DLG2: variants seen among roughly 807,000 people sequenced by gnomAD.
The protein encoded by DLG2 is disks large homolog 2.
In DLG2, 45 loss-of-function variants were observed where a neutral mutation model predicts 132.5. The observed-to-expected ratio is 0.34, with a 90% CI of 0.27 to 0.44. DLG2 has a LOEUF of 0.44. Ranked by LOEUF, DLG2 falls within the 20% of genes least tolerant of loss-of-function variation. DLG2 has a pLI of 1.00. For missense variants in DLG2, 1,045 were observed against 1,196.9 expected (o/e 0.87, Z 1.87); for synonymous variants, 424 against 419.6 (o/e 1.01, Z -0.13).
chr11:84,119,509 C>T (rs772285474), intron 9 of DLG2, among the ~76,000 whole-genome samples: 11 of 151,616 alleles, frequency 7.3e-5, no homozygotes, highest in East Asian at 1.9e-4. Context: ...CACACACATA[C>T]GAATCACATT....
chr11:83,795,605 TA>T (rs2042640622), intron 17 of DLG2, among the ~76,000 whole-genome samples: 2 of 152,128 alleles, frequency 1.3e-5, no homozygotes, highest in African/African-American at 4.8e-5. Flanking sequence ...TTTCACATCT[TA>T]ATGTGAAGAT....
At chr11:85,372,820 C>T (rs572417947) in intron 3 of DLG2, among the ~76,000 whole-genome samples, 35 of 152,218 alleles carry the variant, frequency 2.3e-4, no homozygotes, top group Non-Finnish European at 3.8e-4. Context: ...AAAGTGGACG[C>T]TCTTCCCTCT....
chr11:85,392,301 T>C (rs2086868159), intron 3 of DLG2, among the ~76,000 whole-genome samples: 1 of 151,734 alleles, frequency 6.6e-6, no homozygotes, highest in South Asian at 2.1e-4. Flanking sequence ...CACAAACAAA[T>C]GGAAACATAT....
chr11:83,638,425 C>T (rs1408653997), intron 18 of DLG2, among the ~76,000 whole-genome samples: 1 of 152,122 alleles, frequency 6.6e-6, no homozygotes, highest in Non-Finnish European at 1.5e-5. Context: ...AGAATTGGAC[C>T]TACCTCAAGA....
chr11:84,413,628 T>C (rs1307732448), intron 7 of DLG2, among the ~76,000 whole-genome samples: 1 of 152,216 alleles, frequency 6.6e-6, no homozygotes, highest in Non-Finnish European at 1.5e-5. Context: ...GCTTTTTGTT[T>C]TGAGGGCCTT....
intron 6 of DLG2, among the ~76,000 whole-genome samples, chr11:85,075,979 C>T (rs1435208108): frequency 6.6e-6 from 1 of 151,900 alleles, no homozygotes; most frequent in Non-Finnish European, 1.5e-5. Context: ...CACGCCTTGC[C>T]ATTTTACTTA....
chr11:85,093,658 G>A (rs746706829), intron 6 of DLG2, among the ~76,000 whole-genome samples: 21 of 152,172 alleles, frequency 1.4e-4, no homozygotes, highest in South Asian at 4.1e-4. Flanking sequence ...GGGAACTCTC[G>A]ATTATAAAAC....
intron 6 of DLG2, among the ~76,000 whole-genome samples, chr11:84,865,591 A>C (rs1459697038): frequency 6.6e-6 from 1 of 152,162 alleles, no homozygotes; most frequent in East Asian, 1.9e-4. Flanking sequence ...CACATAATTA[A>C]CTGCAGATTT....
At chr11:84,088,469 T>C (rs1194382334) in intron 10 of DLG2, among the ~76,000 whole-genome samples, 1 of 152,074 alleles carries the variant, frequency 6.6e-6, no homozygotes, top group Non-Finnish European at 1.5e-5. Context: ...TATTGGAATA[T>C]ATGGCAGTTG....
At chr11:84,513,389 G>A (rs765816137) in intron 7 of DLG2, among the ~76,000 whole-genome samples, 5 of 151,868 alleles carry the variant, frequency 3.3e-5, no homozygotes, top group Non-Finnish European at 7.4e-5. Context: ...ACTATCCTGA[G>A]TATAAAGAAA....
At chr11:84,736,767 T>C (rs1446289215) in intron 6 of DLG2, among the ~76,000 whole-genome samples, 2 of 152,014 alleles carry the variant, frequency 1.3e-5, no homozygotes, top group Non-Finnish European at 2.9e-5. Flanking sequence ...AACTCACCTA[T>C]TAGTCTGGTA....
chr11:84,923,477 G>A (rs139153339), intron 6 of DLG2: 9 of 790,472 alleles, frequency 1.1e-5, no homozygotes, highest in East Asian at 1.4e-4. Context: ...CAGGAAGGAG[G>A]GGGGGAAAGG....
chr11:83,815,416 C>T (rs1316595736), intron 17 of DLG2, among the ~76,000 whole-genome samples: 1 of 152,098 alleles, frequency 6.6e-6, no homozygotes, highest in East Asian at 1.9e-4. Context: ...AAGCAAAATT[C>T]TCAATAAATT....
intron 16 of DLG2, among the ~76,000 whole-genome samples, chr11:83,837,649 G>A (rs950094238): frequency 7.1e-6 from 1 of 141,618 alleles, no homozygotes; most frequent in Non-Finnish European, 1.5e-5. Context: ...TTTTACTTGG[G>A]GCTGTTTTTG....
At chr11:84,138,967 A>G (rs966113138) in intron 9 of DLG2, among the ~76,000 whole-genome samples, 4 of 152,178 alleles carry the variant, frequency 2.6e-5, no homozygotes, top group African/African-American at 9.6e-5. Context: ...AAAAAAAAAA[A>G]AAATTCACTT....
At chr11:84,758,254 T>C (rs563140114) in intron 6 of DLG2, among the ~76,000 whole-genome samples, 36 of 152,354 alleles carry the variant, frequency 2.4e-4, no homozygotes, top group Admixed American at 1.3e-3. Flanking sequence ...CCATGTAGAA[T>C]TGTTCTACTT....
At chr11:85,570,858 A>G (rs1021024398) in intron 3 of DLG2, among the ~76,000 whole-genome samples, 17 of 151,926 alleles carry the variant, frequency 1.1e-4, no homozygotes, top group Admixed American at 1.1e-3. Flanking sequence ...CAGTCGCTGA[A>G]TTTTTTTCTC....
chr11:84,721,584 A>T (rs2061844843), intron 6 of DLG2, among the ~76,000 whole-genome samples: 1 of 151,008 alleles, frequency 6.6e-6, no homozygotes, highest in African/African-American at 2.4e-5. Context: ...TGGCTGGCAC[A>T]GCTGCAAAAT....
At chr11:84,264,765 C>T (rs983992943) in intron 7 of DLG2, among the ~76,000 whole-genome samples, 2 of 152,258 alleles carry the variant, frequency 1.3e-5, no homozygotes, top group South Asian at 2.1e-4. Context: ...GCAATCATCT[C>T]GTGACTGCTC....
Sources: allele counts gnomAD v4.1 joint callset (sites outside exome capture counted in the v4.1 genomes callset), GRCh38; gene constraint gnomAD v4.1.1; transcripts MANE v1.5; gene names NCBI Gene and HGNC (gene_info 2026-07-23, HGNC 2026-07-21).